The following SLC7A3 variants were observed in gnomAD, a reference collection of about 807,000 sequenced individuals.
SLC7A3 encodes solute carrier family 7 member 3.
SLC7A3 carries 3 observed loss-of-function variants against 33.2 expected under a neutral mutation model. The ratio of observed to expected loss-of-function variants is 0.09; its 90% CI spans 0.04 to 0.23. The LOEUF is 0.23. SLC7A3 is among the 10% of genes least tolerant of loss of function. The pLI is 1.00. For synonymous variants in SLC7A3, 193 were observed against 195.1 expected (o/e 0.99, Z 0.09); for missense variants, 360 against 488.8 (o/e 0.74, Z 2.48).
In SLC7A3 at chrX:70,925,741, T is replaced by C; in HGVS notation, c.*72A>G. ...CACCACCACCATCACAGGGGAGGGC[T>C]AGCTGTCACTGGGGTCAGGAGTACT... On this transcript the variant is annotated 3_prime_UTR_variant, in exon 12 of 12. Coordinates refer to ENST00000374299, the MANE Select transcript of SLC7A3 (RefSeq NM_032803.6). The C allele has an allele frequency of 1.7e-6, 2 of 1,143,087 alleles. No homozygotes were observed. Among genetic ancestry groups the C allele is most frequent in the Non-Finnish European group, 2.4e-6 (2 of 837,360 alleles). The allele number at this position is 1,143,087 out of a possible 1,213,427, so 94.2% of individuals were successfully genotyped here.
In SLC7A3 at chrX:70,927,321, A is replaced by T. The variant is rs981645195; in HGVS notation, c.1247T>A (p.Leu416His). 1 of 1,209,569 alleles carries T rather than the reference A, an allele frequency of 8.3e-7. No individual in the cohort carries two copies. Among genetic ancestry groups the T allele is most frequent in the African/African-American group, 1.8e-5 (1 of 57,054 alleles). Residue 416 changes from leucine to histidine, a missense_variant, in exon 8 of 12, where the codon CTT (leucine) becomes CAT (histidine). Transcript: ENST00000374299. ...LVDLMSIGTL[L>H]AYSLVSICVL... ...ACAAATCGACACCAGGGAGTAAGCA[A>T]GCAGGGTCCCAATTGACATGAGGTC...
Position 70,930,123 on chromosome X carries a change from G to T in SLC7A3, c.-25-101C>A, listed in dbSNP as rs1438889918. 8 of 853,201 alleles carry T rather than the reference G, an allele frequency of 9.4e-6. No individual in the cohort carries two copies. In the East Asian group the frequency reaches 2.5e-4, roughly 27 times the overall value. The allele number at this position is 853,201 out of a possible 1,213,427, so 70.3% of individuals were successfully genotyped here. A position where few individuals can be genotyped will look rare whatever the true frequency, so the allele number is the denominator to read the frequency against. ...CTCCACCAAGCAAAGGAGCTATTGG[G>T]AAATGAGGACGGGGATATGGAAGGG... On this transcript the variant is annotated intron_variant, in intron 1 of 11. Transcript: ENST00000374299.
rs1245836652 is a variant in SLC7A3, at chrX:70,925,812, G to A, written c.*1C>T. 1.7e-6 allele frequency: 2 copies of A among 1,209,406 alleles called. No homozygotes were observed. Among genetic ancestry groups the A allele is most frequent in the Non-Finnish European group, 2.2e-6 (2 of 895,173 alleles). The stretch of plus-strand genomic sequence containing the variant: ...CCAGACAGCATTTAGGTGTGACGAT[G>A]TCAAACTGAGTGGACATAGAGAGTG... On this transcript the variant is annotated 3_prime_UTR_variant, in exon 12 of 12. Transcript: ENST00000374299.
Position 70,928,017 on chromosome X carries a change from T to C in SLC7A3, c.824A>G (p.Glu275Gly). 8.3e-7 allele frequency: 1 copy of C among 1,210,291 alleles called. No homozygotes were observed. The highest frequency in any genetic ancestry group is 1.1e-6 in the Non-Finnish European group (1 of 894,578). The change falls in exon 6 of 12, where the codon GAA (glutamate) becomes GGA (glycine). Residue 275 changes from glutamate (E) to glycine (G), a missense_variant. Transcript: ENST00000374299. ...GGAACGCTGGGGATTCTGGGCTTCT[T>C]CTCCTGAAGGAAGGGCGTAAGGTTC... ...VGFDCIATTG[E>G]EAQNPQRSIP...
intron 6 of SLC7A3, 78 bp downstream of exon 6, chrX:70,927,720 T>C: frequency 8.7e-7 from 1 of 1,152,290 alleles, no homozygotes; most frequent in African/African-American, 1.8e-5. Flanking sequence ...TCACAGCCCT[T>C]TTAAGGGGTA....
intron 1 of SLC7A3, among the ~76,000 whole-genome samples, chrX:70,930,554 T>G (rs1034632554): frequency 1.8e-5 from 2 of 112,145 alleles, no homozygotes; most frequent in Admixed American, 9.4e-5. Context: ...AAGCCCACAC[T>G]GCTCAACTAG....
rs773761163 is a variant in SLC7A3 at position 70,927,897 on chromosome X, A to C, written c.944T>G (p.Leu315Arg). 1 of 1,210,002 alleles carries C rather than the reference A, an allele frequency of 8.3e-7. No individual in the cohort carries two copies. Among genetic ancestry groups the C allele is most frequent in the South Asian group, 1.8e-5 (1 of 56,386 alleles). The change falls in exon 6 of 12, where the codon CTT becomes CGT. Residue 315 changes from leucine to arginine, a missense_variant. By Grantham distance (102) the Leu-to-Arg change is moderately radical. Transcript: ENST00000374299. ...ALTLMMPYYQ[L>R]QPESPLPEAF... ...CTCAGGCAAAGGGCTCTCAGGCTGA[A>C]GCTGGTAGTAAGGCATCATCAGGGT...
intron 6 of SLC7A3, 59 bp downstream of exon 6, chrX:70,927,739 T>A (rs761259119): frequency 8.7e-7 from 1 of 1,150,811 alleles, no homozygotes; most frequent in East Asian, 3.2e-5. Context: ...TATTCTCTGG[T>A]ACTGAATGCT....
chrX:70,929,644 G>A lies in SLC7A3; in HGVS notation c.354C>T (p.Ile118=), dbSNP rs1194911666. 79 of 1,207,258 alleles carry A rather than the reference G, an allele frequency of 6.5e-5. No individual in the cohort carries two copies. The highest frequency in any genetic ancestry group is 8.6e-5 in the Non-Finnish European group (77 of 894,102). ...ATATCTCACCAATGACATAGGAGAG[G>A]ATGAGGTTCCAGCCAGTGGTGAAGG... ...LWAFTTGWNL[I]LSYVIGTASV... The change falls in exon 2 of 12, where the codon ATC becomes ATT. Residue 118 remains isoleucine, a synonymous_variant. Transcript: ENST00000374299.
At chrX:70,928,333 G>A in intron 4 of SLC7A3, 76 bp from the exon 5 acceptor site, 1 of 1,092,078 alleles carries the variant, frequency 9.2e-7, no homozygotes. Context: ...TGCCAAACCA[G>A]TTAGCTAGGT....
chrX:70,929,745 C>T lies in SLC7A3; in HGVS notation c.253G>A (p.Ala85Thr), dbSNP rs1569467789. Residue 85 changes from alanine to threonine, a missense_variant, in exon 2 of 12, where the codon GCG becomes ACG. Transcript: ENST00000374299. ...CGGGGAACCCGGGCACCAAACTCCG[C>T]ATAGCACAGCCCAGCCAACACAGAA... ...LSSVLAGLCY[A>T]EFGARVPRSG... is the part of the protein sequence containing the mutation. 1.4e-5 allele frequency: 17 copies of T among 1,211,213 alleles called. No individual in the cohort carries two copies. The highest frequency in any genetic ancestry group is 1.7e-5 in the Non-Finnish European group (15 of 895,260).
intron 11 of SLC7A3, 34 bp downstream of exon 11, chrX:70,926,036 C>A: frequency 8.3e-7 from 1 of 1,206,806 alleles, no homozygotes; most frequent in Non-Finnish European, 1.1e-6. Context: ...GCTAGGACAC[C>A]AAAGAAGCCT....
rs573858974 is a variant in SLC7A3, at chrX:70,927,785, A to C, written c.1043+13T>G. Reference sequence around the variant, plus strand: ...ACTCTGACAGCAGAAGAAAACAAACATTTGATACTGACCTGGTAGAAAGAG... The same window carrying C: ...ACTCTGACAGCAGAAGAAAACAAACCTTTGATACTGACCTGGTAGAAAGAG... On this transcript the variant is annotated intron_variant, in intron 6 of 11. Coordinates refer to ENST00000374299, the MANE Select transcript of SLC7A3 (RefSeq NM_032803.6). 9.4e-6 allele frequency: 11 copies of C among 1,170,186 alleles called. No individual in the cohort carries two copies. The highest frequency in any genetic ancestry group is 1.8e-5 in the African/African-American group (1 of 56,093).
Position 70,928,033 on chromosome X carries a change from C to G in SLC7A3, c.821-13G>C. The stretch of plus-strand genomic sequence containing the variant: ...TGGGCTTCTTCTCCTGAAGGAAGGG[C>G]GTAAGGTTCTAAATTAGGGAAGCAG... On this transcript the variant is annotated splice_polypyrimidine_tract_variant and intron_variant, in intron 5 of 11. Transcript: ENST00000374299. 1.7e-6 allele frequency: 2 copies of G among 1,205,951 alleles called. No homozygotes were observed. Among genetic ancestry groups the G allele is most frequent in the Non-Finnish European group, 2.2e-6 (2 of 891,112 alleles).
In SLC7A3 at chrX:70,928,574, TCACGC is replaced by T; in HGVS notation, c.584_588del (p.Gly195GlufsTer15). The T allele has an allele frequency of 8.3e-7, 1 of 1,206,944 alleles. No individual in the cohort carries two copies. The highest frequency in any genetic ancestry group is 1.1e-6 in the Non-Finnish European group (1 of 893,274). On this transcript the variant is annotated frameshift_variant, in exon 4 of 12. Transcript: ENST00000374299. LOFTEE classifies it high-confidence loss of function. Reference sequence around the variant, plus strand: ...ATGACGAACCCAAGAACCAAAAGGTTCACGCCTGTGAACACTTTGGTAACCAGGGC... The same window carrying T: ...ATGACGAACCCAAGAACCAAAAGGTTCTGTGAACACTTTGGTAACCAGGGC...
Position 70,925,718 on chromosome X carries a change from C to A in SLC7A3, c.*95G>T. The stretch of plus-strand genomic sequence containing the variant: ...TCGTACAGAACTGTATTAGTATCCA[C>A]CACCACCATCACAGGGGAGGGCTAG... On this transcript the variant is annotated 3_prime_UTR_variant, in exon 12 of 12. Coordinates refer to ENST00000374299, the MANE Select transcript of SLC7A3 (RefSeq NM_032803.6). 9.9e-7 allele frequency: 1 copy of A among 1,010,725 alleles called. No homozygotes were observed. The highest frequency in any genetic ancestry group is 2.3e-5 in the Admixed American group (1 of 44,021). 83.3% of individuals were successfully genotyped at this position (1,010,725 alleles called of 1,213,427 possible). A position where few individuals can be genotyped will look rare whatever the true frequency, so the allele number is the denominator to read the frequency against.
In SLC7A3 at chrX:70,926,939, G is replaced by C. The variant is rs755574265; in HGVS notation, c.1389C>G (p.Phe463Leu). The C allele has an allele frequency of 1.7e-6, 2 of 1,211,022 alleles. No individual in the cohort carries two copies. The highest frequency in any genetic ancestry group is 5.9e-5 in the East Asian group (2 of 33,823). The change falls in exon 9 of 12, where the codon TTC becomes TTG. Residue 463 changes from phenylalanine (F) to leucine (L), a missense_variant. By Grantham distance (22) the Phe-to-Leu change is conservative (BLOSUM62 0). Coordinates refer to ENST00000374299, the MANE Select transcript of SLC7A3 (RefSeq NM_032803.6). ...GTGGAGTGGGGATGGAGTTGAGTGG[G>C]AAAAATAGTCCCCATAGGGTCAACT... ...SEKLTLWGLFFPLNSIPTPLS... is the reference protein window; with the variant it reads ...SEKLTLWGLFLPLNSIPTPLS...
chrX:70,928,921 G>T lies in SLC7A3; in HGVS notation c.452C>A (p.Ser151Tyr). The T allele has an allele frequency of 8.3e-7, 1 of 1,210,016 alleles. No homozygotes were observed. Residue 151 changes from serine (S) to tyrosine (Y), a missense_variant, in exon 3 of 12, where the codon TCC becomes TAC. Ser to Tyr is a moderately radical substitution (Grantham distance 144). Transcript: ENST00000374299. Reference sequence around the variant, plus strand: ...GACATGGGGCACGTGCAGTGCAATGGACCCCTGCAGAGTCTTAGAGATGTG... The same window carrying T: ...GACATGGGGCACGTGCAGTGCAATGTACCCCTGCAGAGTCTTAGAGATGTG... ...GNHISKTLQG[S>Y]IALHVPHVLA...
chrX:70,928,247 G>A lies in SLC7A3; in HGVS notation c.718C>T (p.Leu240=), dbSNP rs1223777002. 8.3e-7 allele frequency: 1 copy of A among 1,208,965 alleles called. No individual in the cohort carries two copies. Among genetic ancestry groups the A allele is most frequent in the Non-Finnish European group, 1.1e-6 (1 of 892,927 alleles). ...AAAGGCACAAATCCTCCAGAGCCCA[G>A]AGGACCCAAGCTAGAGTGGAAGAAG... ...ELNDTYSLGP[L]GSGGFVPFGF... is the part of the protein sequence containing the mutation. The change falls in exon 5 of 12, where the codon CTG becomes TTG. Residue 240 remains leucine, a synonymous_variant. Transcript: ENST00000374299.
Sources: allele counts gnomAD v4.1 joint callset (sites outside exome capture counted in the v4.1 genomes callset), GRCh38; gene constraint gnomAD v4.1.1; transcripts MANE v1.5; gene names NCBI Gene and HGNC (gene_info 2026-07-23, HGNC 2026-07-21).